CLASP1: variants seen among roughly 807,000 people sequenced by gnomAD.
The protein encoded by CLASP1 is cytoplasmic linker associated protein 1, also known as CLIP-associating protein 1.
CLASP1 carries 38 observed loss-of-function variants against 192.3 expected under a neutral mutation model. That is an observed-to-expected ratio of 0.20 (90% CI 0.15 to 0.26). The LOEUF is 0.26. Among genes scored for constraint, CLASP1 ranks in the 10% least tolerant of loss-of-function variants. The pLI is 1.00. For missense variants in CLASP1, 1,433 were observed against 1,932.5 expected (o/e 0.74, Z 4.85); for synonymous variants, 691 against 712.8 (o/e 0.97, Z 0.49).
At position 121,536,534 on chromosome 2, in the gene CLASP1, A is replaced by G. The variant is rs558349285; in HGVS notation, c.196-6209T>C. 1.3e-4 allele frequency among the ~76,000 whole-genome samples: 20 copies of G among 152,308 alleles called. 1 individual carries two copies. The South Asian group carries it at 3.3e-3, about 25-fold the overall frequency. On this transcript the variant is annotated intron_variant, in intron 2 of 39. Transcript: ENST00000263710. ...AGCATCATTATCTACAGGAGTAAAA[A>G]GGTGGAAACAACTGAAGTGTTGATT...
At chr2:121,648,897 G>A (rs964942342) in intron 1 of CLASP1, among the ~76,000 whole-genome samples, 1 of 152,196 alleles carries the variant, frequency 6.6e-6, no homozygotes, top group Non-Finnish European at 1.5e-5. Flanking sequence ...AGCCCGGGCC[G>A]CCCGCCTCCC....
intron 37 of CLASP1, among the ~76,000 whole-genome samples, chr2:121,359,490 TAACA>T (rs2065964351): frequency 6.6e-6 from 1 of 152,318 alleles, no homozygotes; most frequent in African/African-American, 2.4e-5. Flanking sequence ...GTACCAGCTC[TAACA>T]AACAGATTAC....
rs762210569 is a variant in CLASP1 at position 121,405,094 on chromosome 2, A to C, written c.2670-660T>G. ...GAGGCCAAGGCAGGTGGATCACCTT[A>C]GGTCAGGAATTCAAGACCAGCCTGG... On this transcript the variant is annotated intron_variant, in intron 25 of 39. Coordinates refer to ENST00000263710, the Ensembl canonical transcript of CLASP1. Among the ~76,000 whole-genome samples, 5 of 152,188 alleles carry C rather than the reference A, an allele frequency of 3.3e-5. No individual in the cohort carries two copies. In the South Asian group the frequency reaches 1.0e-3, roughly 31 times the overall value.
intron 2 of CLASP1, among the ~76,000 whole-genome samples, chr2:121,555,741 T>C (rs2058487224): frequency 7.2e-6 from 1 of 139,542 alleles, no homozygotes; most frequent in Non-Finnish European, 1.5e-5. Flanking sequence ...AGTACAGTGA[T>C]GCAATCTTGG....
intron 8 of CLASP1, among the ~76,000 whole-genome samples, chr2:121,475,923 T>C (rs1559355165): frequency 6.6e-6 from 1 of 152,152 alleles, no homozygotes; most frequent in Non-Finnish European, 1.5e-5. Context: ...ATCACCTCCT[T>C]TGATTCTTTA....
chr2:121,584,994 G>A (rs2061564883), intron 2 of CLASP1, among the ~76,000 whole-genome samples: 3 of 150,558 alleles, frequency 2.0e-5, no homozygotes, highest in Admixed American at 2.0e-4. Flanking sequence ...CTGTATGTCA[G>A]CACTTACGAT....
At chr2:121,421,566 C>T (rs943890986) in intron 22 of CLASP1, among the ~76,000 whole-genome samples, 10 of 151,310 alleles carry the variant, frequency 6.6e-5, no homozygotes, top group Non-Finnish European at 1.3e-4. Flanking sequence ...ATTTTTGAGA[C>T]AGAGTCTTCT....
chr2:121,582,281 G>A (rs1390167035), intron 2 of CLASP1, among the ~76,000 whole-genome samples: 5 of 150,826 alleles, frequency 3.3e-5, no homozygotes, highest in African/African-American at 1.2e-4. Context: ...GAAAGGGAGA[G>A]AGAGAGAGAG....
chr2:121,548,953 A>G (rs1395459601), intron 2 of CLASP1, among the ~76,000 whole-genome samples: 1 of 152,222 alleles, frequency 6.6e-6, no homozygotes, highest in Non-Finnish European at 1.5e-5. Context: ...GAAAGGAAAG[A>G]TCACTACCAA....
intron 9 of CLASP1, among the ~76,000 whole-genome samples, chr2:121,468,261 C>T (rs149675543): frequency 2.8e-4 from 43 of 152,274 alleles, no homozygotes; most frequent in Middle Eastern, 6.8e-3. Flanking sequence ...ATTGCCTTGG[C>T]TATATGAGCT....
chr2:121,402,181 C>T (rs1484842076), intron 26 of CLASP1, among the ~76,000 whole-genome samples: 3 of 152,164 alleles, frequency 2.0e-5, no homozygotes, highest in Admixed American at 6.5e-5. Context: ...AATAAAAACA[C>T]CTACTCACTA....
chr2:121,387,074 G>A lies in CLASP1; in HGVS notation c.3374+48C>T, dbSNP rs80190838. 1.2e-3 allele frequency: 1,764 copies of A among 1,438,022 alleles called. 23 individuals carry two copies. In the African/African-American group the frequency reaches 0.022, roughly 18 times the overall value. 89.1% of individuals were successfully genotyped at this position (1,438,022 alleles called of 1,614,324 possible). A position where few individuals can be genotyped will look rare whatever the true frequency, so the allele number is the denominator to read the frequency against. On this transcript the variant is annotated intron_variant, in intron 32 of 39. Transcript: ENST00000263710. Reference sequence around the variant, plus strand: ...TAGAAATAGGATGCACAGCAATTAAGGTGCTTTAGTTTCTTTACATCTGTG... The same window carrying A: ...TAGAAATAGGATGCACAGCAATTAAAGTGCTTTAGTTTCTTTACATCTGTG...
At chr2:121,526,280 T>C (rs998690630) in intron 5 of CLASP1, among the ~76,000 whole-genome samples, 1 of 152,214 alleles carries the variant, frequency 6.6e-6, no homozygotes, top group South Asian at 2.1e-4. Context: ...TACGAGTCAC[T>C]TGAGGGACCT....
At chr2:121,446,091 A>G (rs934951284) in intron 19 of CLASP1, among the ~76,000 whole-genome samples, 1 of 152,224 alleles carries the variant, frequency 6.6e-6, no homozygotes, top group South Asian at 2.1e-4. Context: ...TTTTAAAAAG[A>G]GAGTTCTTAA....
intron 2 of CLASP1, 116 bp from the exon 3 acceptor site, chr2:121,530,441 A>G: frequency 1.5e-6 from 1 of 684,226 alleles, no homozygotes; most frequent in Non-Finnish European, 2.6e-6. Context: ...GAGAGTCCAG[A>G]CGCATGCCGA....
chr2:121,584,094 A>G (rs1455327430), intron 2 of CLASP1, among the ~76,000 whole-genome samples: 1 of 151,990 alleles, frequency 6.6e-6, no homozygotes, highest in East Asian at 1.9e-4. Context: ...AGGCTCCAGA[A>G]CTGTAAGAAA....
At chr2:121,518,076 C>T (rs1049228420) in intron 6 of CLASP1, among the ~76,000 whole-genome samples, 2 of 149,052 alleles carry the variant, frequency 1.3e-5, no homozygotes, top group South Asian at 4.3e-4. Context: ...CTAAAAAATA[C>T]AAAAATCAGC....
At chr2:121,505,886 G>A (rs1168920099) in intron 7 of CLASP1, among the ~76,000 whole-genome samples, 1 of 151,970 alleles carries the variant, frequency 6.6e-6, no homozygotes, top group South Asian at 2.1e-4. Context: ...ATAATTTCCT[G>A]GAAGCAAATA....
chr2:121,645,207 A>G (rs2072962349), intron 1 of CLASP1, among the ~76,000 whole-genome samples: 1 of 152,216 alleles, frequency 6.6e-6, no homozygotes, highest in Non-Finnish European at 1.5e-5. Context: ...AAATTAATCA[A>G]TAATTCTAGA....
Sources: allele counts gnomAD v4.1 joint callset (sites outside exome capture counted in the v4.1 genomes callset), GRCh38; gene constraint gnomAD v4.1.1; transcripts MANE v1.5; gene names NCBI Gene and HGNC (gene_info 2026-07-23, HGNC 2026-07-21).